ARHGAP8: variants seen among roughly 807,000 people sequenced by gnomAD.
ARHGAP8 encodes the protein rho GTPase-activating protein 8.
Under a neutral mutation model 46.1 loss-of-function variants are expected in ARHGAP8, and 62 were observed. The ratio of observed to expected loss-of-function variants is 1.34; its 90% CI spans 1.10 to 1.66. The LOEUF (loss-of-function observed/expected upper bound fraction) is 1.66. Among genes scored for constraint, ARHGAP8 ranks in the 40% most tolerant of loss-of-function variants. The probability of loss-of-function intolerance (pLI) is 0.00; values close to 1 mark genes in which losing one functional copy is unlikely to be tolerated. For synonymous variants in ARHGAP8, 375 were observed against 243.1 expected, an observed-to-expected ratio of 1.54 and a Z score of -5.05; for missense variants, 923 against 568.4, an observed-to-expected ratio of 1.62 and a Z score of -6.34.
Position 44,760,013 on chromosome 22 carries a change from AC to A in ARHGAP8, c.-72+7391del, listed in dbSNP as rs562885340. ...GGGTGACCCCAGCAGCCCTTTAGAG[AC>A]CCCCTTGCCCTTTCAGGGTGCTGAA... On this transcript the variant is annotated intron_variant, in intron 1 of 11. Coordinates refer to ENST00000356099, the MANE Select transcript of ARHGAP8 (RefSeq NM_181335.3). Among the ~76,000 whole-genome samples the A allele has an allele frequency of 1.1e-3, 167 of 152,194 alleles. 1 individual carries two copies. The highest frequency in any genetic ancestry group is 3.6e-3 in the African/African-American group (151 of 41,530).
intron 10 of ARHGAP8, among the ~76,000 whole-genome samples, chr22:44,854,943 A>T (rs546426107): frequency 5.8e-4 from 88 of 151,970 alleles, no homozygotes; most frequent in Non-Finnish European, 1.1e-3. Flanking sequence ...ACCGTGCCCA[A>T]CCTATACAGC....
chr22:44,849,243 G>A (rs1180347799), intron 10 of ARHGAP8, 183 bp downstream of exon 10: 3 of 1,136,780 alleles, frequency 2.6e-6, no homozygotes, highest in African/African-American at 1.6e-5. Context: ...TGCACAGCCA[G>A]TCCACACTGT....
intron 1 of ARHGAP8, among the ~76,000 whole-genome samples, chr22:44,756,392 ACT>A (rs973159324): frequency 3.3e-5 from 5 of 151,366 alleles, no homozygotes; most frequent in African/African-American, 1.2e-4. Flanking sequence ...CTCCCACCTG[ACT>A]CTCCAAAGCG....
intron 1 of ARHGAP8, among the ~76,000 whole-genome samples, chr22:44,762,471 C>G (rs1467020541): frequency 6.6e-6 from 1 of 151,846 alleles, no homozygotes; most frequent in African/African-American, 2.4e-5. Flanking sequence ...GTCTTTGTCC[C>G]TGGTTCCTGG....
intron 1 of ARHGAP8, among the ~76,000 whole-genome samples, chr22:44,778,369 ATGGC>A: frequency 6.6e-6 from 1 of 152,160 alleles, no homozygotes; most frequent in African/African-American, 2.4e-5. Flanking sequence ...ATTCCTTTTT[ATGGC>A]TGAGTAGTAT....
intron 11 of ARHGAP8, among the ~76,000 whole-genome samples, chr22:44,860,344 T>A (rs929244510): frequency 1.3e-5 from 2 of 152,150 alleles, no homozygotes; most frequent in Admixed American, 1.3e-4. Context: ...GCTGTGCTCC[T>A]TCCAGAGGCT....
At chr22:44,819,153 C>T (rs1419666142) in intron 5 of ARHGAP8, among the ~76,000 whole-genome samples, 2 of 151,838 alleles carry the variant, frequency 1.3e-5, no homozygotes, top group African/African-American at 2.4e-5. Flanking sequence ...ACTGTAGCCT[C>T]GAACTCCTGG....
chr22:44,761,007 C>T (rs1352762658), intron 1 of ARHGAP8, among the ~76,000 whole-genome samples: 1 of 152,164 alleles, frequency 6.6e-6, no homozygotes, highest in African/African-American at 2.4e-5. Context: ...AGCCCACTGG[C>T]CAGGAGAAAG....
intron 11 of ARHGAP8, among the ~76,000 whole-genome samples, chr22:44,862,005 A>C (rs138479556): frequency 1.2e-3 from 184 of 152,236 alleles, no homozygotes; most frequent in African/African-American, 4.2e-3. Context: ...GGTGCAGTGG[A>C]AGAGGAGATA....
At position 44,787,490 on chromosome 22, in the gene ARHGAP8, G is replaced by A. The variant is rs566552275; in HGVS notation, c.79+884G>A. The stretch of plus-strand genomic sequence containing the variant: ...CTCCCAAGTAGCTGGGATTACAGGC[G>A]CTCACCCCCACACTCAGCTAATTTT... On this transcript the variant is annotated intron_variant, in intron 2 of 11. Coordinates refer to ENST00000356099, the MANE Select transcript of ARHGAP8 (RefSeq NM_181335.3). Among the ~76,000 whole-genome samples the A allele has an allele frequency of 3.9e-5, 6 of 152,124 alleles. No homozygotes were observed. The South Asian group carries it at 1.0e-3, about 26-fold the overall frequency.
At chr22:44,813,094 A>G (rs1327262824) in intron 4 of ARHGAP8, among the ~76,000 whole-genome samples, 1 of 152,052 alleles carries the variant, frequency 6.6e-6, no homozygotes, top group Non-Finnish European at 1.5e-5. Context: ...GCCATTCTCC[A>G]AGGAGCACAG....
At chr22:44,851,926 C>T (rs531164711) in intron 10 of ARHGAP8, among the ~76,000 whole-genome samples, 1 of 152,110 alleles carries the variant, frequency 6.6e-6, no homozygotes, top group Non-Finnish European at 1.5e-5. Flanking sequence ...TGCAGTGGCT[C>T]ACTCCTGTAA....
intron 1 of ARHGAP8, among the ~76,000 whole-genome samples, chr22:44,759,315 C>G (rs988756253): frequency 2.0e-5 from 3 of 152,172 alleles, no homozygotes; most frequent in African/African-American, 7.2e-5. Flanking sequence ...ATGGTGCAGA[C>G]TGATGAGGGC....
At position 44,773,659 on chromosome 22, in the gene ARHGAP8, T is replaced by C. The variant is rs558746889; in HGVS notation, c.-71-12798T>C. Among the ~76,000 whole-genome samples the C allele has an allele frequency of 8.5e-5, 13 of 152,340 alleles. No homozygotes were observed. In the South Asian group the frequency reaches 1.0e-3, roughly 12 times the overall value. ...ATGCAATGACATGATCTTGGCTCAC[T>C]GCATCCTCCGCCTCCCAGACTCAAG... On this transcript the variant is annotated intron_variant, in intron 1 of 11. Coordinates refer to ENST00000356099, the MANE Select transcript of ARHGAP8 (RefSeq NM_181335.3).
chr22:44,792,339 G>A (rs1174369182), intron 2 of ARHGAP8, among the ~76,000 whole-genome samples: 1 of 152,116 alleles, frequency 6.6e-6, no homozygotes, highest in African/African-American at 2.4e-5. Flanking sequence ...GGGACAACCA[G>A]CAGAGAACAT....
At position 44,786,343 on chromosome 22, in the gene ARHGAP8, G is replaced by T. The variant is rs113393878; in HGVS notation, c.-71-114G>T. The T allele has an allele frequency of 3.6e-6, 5 of 1,376,126 alleles. No homozygotes were observed. In the South Asian group the frequency reaches 5.7e-5, roughly 16 times the overall value. 85.2% of individuals were successfully genotyped at this position (1,376,126 alleles called of 1,614,324 possible). A position where few individuals can be genotyped will look rare whatever the true frequency, so the allele number is the denominator to read the frequency against. On this transcript the variant is annotated intron_variant, in intron 1 of 11. Coordinates refer to ENST00000356099, the MANE Select transcript of ARHGAP8 (RefSeq NM_181335.3). ...TGGGTGCACGGCTGAGGTAGGGCGC[G>T]TAGTGGGTGTGCAGCAGAGGTGGGT...
intron 2 of ARHGAP8, among the ~76,000 whole-genome samples, chr22:44,800,048 G>A (rs1229619530): frequency 1.3e-5 from 2 of 151,942 alleles, no homozygotes; most frequent in African/African-American, 2.4e-5. Context: ...AGGATGGTCT[G>A]CAGGCATGGA....
chr22:44,784,005 G>A (rs958484916), intron 1 of ARHGAP8, among the ~76,000 whole-genome samples: 1 of 152,100 alleles, frequency 6.6e-6, no homozygotes, highest in Non-Finnish European at 1.5e-5. Flanking sequence ...GATGCAACCA[G>A]CTGCAAATCA....
chr22:44,849,115 C>T (rs1430291032), intron 10 of ARHGAP8, 55 bp downstream of exon 10: 1 of 1,607,170 alleles, frequency 6.2e-7, no homozygotes, highest in African/African-American at 1.3e-5. Context: ...ATGCTGTCCC[C>T]CAGCTACTGG....
Sources: allele counts gnomAD v4.1 joint callset (sites outside exome capture counted in the v4.1 genomes callset), GRCh38; gene constraint gnomAD v4.1.1; transcripts MANE v1.5; gene names NCBI Gene and HGNC (gene_info 2026-07-23, HGNC 2026-07-21).